The following RNLS variants were observed in gnomAD, a reference collection of about 807,000 sequenced individuals.
RNLS encodes the protein renalase, FAD dependent amine oxidase.
Under a neutral mutation model 39.8 loss-of-function variants are expected in RNLS, and 39 were observed. The ratio of observed to expected loss-of-function variants is 0.98; its 90% CI spans 0.76 to 1.28. The LOEUF (loss-of-function observed/expected upper bound fraction) is 1.28, where lower values mean the gene tolerates loss of function less well. RNLS is among the 50% of genes most tolerant of loss of function. The pLI, the probability that RNLS is intolerant of heterozygous loss-of-function variation, is 0.00. For missense variants in RNLS, 410 were observed against 413.3 expected (o/e 0.99, Z 0.07); for synonymous variants, 147 against 150.7 (o/e 0.98, Z 0.18).
At position 88,369,852 on chromosome 10, in the gene RNLS, G is replaced by A. The variant is rs539328241; in HGVS notation, c.527-7127C>T. On this transcript the variant is annotated intron_variant, in intron 4 of 6. Transcript: ENST00000331772. ...ATGCCACACACCTGGCTAATTTTGC[G>A]GGTGTGTATTTTTAGCAGAGACAGG... Among the ~76,000 whole-genome samples, 155 of 152,102 alleles carry A rather than the reference G, an allele frequency of 1.0e-3. 1 individual carries two copies. Among genetic ancestry groups the A allele is most frequent in the Middle Eastern group, 3.4e-3 (1 of 294 alleles).
chr10:88,247,367 G>A, the RNLS span, among the ~76,000 whole-genome samples: 1 of 152,168 alleles, frequency 6.6e-6, no homozygotes, highest in Non-Finnish European at 1.5e-5. Flanking sequence ...GGGGAAGTGA[G>A]GGTTGAGCAG....
the RNLS span, among the ~76,000 whole-genome samples, chr10:88,217,174 C>T: frequency 6.6e-6 from 1 of 152,142 alleles, no homozygotes; most frequent in Non-Finnish European, 1.5e-5. Flanking sequence ...TGCTGGGCGG[C>T]ACTCTCAAGA....
At chr10:88,565,508 TA>T (rs1156279969) in intron 4 of RNLS, among the ~76,000 whole-genome samples, 4 of 152,178 alleles carry the variant, frequency 2.6e-5, no homozygotes, top group African/African-American at 9.7e-5. Flanking sequence ...AATTATTTCA[TA>T]ACAATGAATT....
rs1850563516 is a variant in RNLS, at chr10:88,581,606, C to T, written c.328G>A (p.Gly110Arg). Residue 110 changes from glycine to arginine, a missense_variant, in exon 3 of 7, where the codon GGA becomes AGA. Coordinates refer to ENST00000331772, the MANE Select transcript of RNLS (RefSeq NM_001031709.3). Reference sequence around the variant, plus strand: ...TAATGCTTAATAATTGAAGAAATTCCTTGAGGTGCCACAAAGTTACAGTCT... The same window carrying T: ...TAATGCTTAATAATTGAAGAAATTCTTTGAGGTGCCACAAAGTTACAGTCT... ...EGDCNFVAPQ[G>R]ISSIIKHYLK... 2 of 1,607,112 alleles carry T rather than the reference C, an allele frequency of 1.2e-6. No individual in the cohort carries two copies. Among genetic ancestry groups the T allele is most frequent in the African/African-American group, 1.3e-5 (1 of 74,598 alleles).
chr10:88,309,501 G>C (rs1845194054), intron 6 of RNLS: 1 of 1,257,330 alleles, frequency 8.0e-7, no homozygotes, highest in Non-Finnish European at 1.0e-6. Flanking sequence ...CTGCCCTTCA[G>C]CCATTGCACA....
intron 3 of RNLS, among the ~76,000 whole-genome samples, chr10:88,577,278 T>C (rs60062083): frequency 1.3e-5 from 2 of 152,288 alleles, no homozygotes; most frequent in African/African-American, 4.8e-5. Context: ...ATCTTCATAC[T>C]ATAGGAAAAT....
intron 5 of RNLS, among the ~76,000 whole-genome samples, chr10:88,348,370 G>T (rs1199681285): frequency 6.6e-6 from 1 of 152,096 alleles, no homozygotes; most frequent in East Asian, 1.9e-4. Flanking sequence ...CTTAGATTCT[G>T]AACCAATTCT....
At chr10:88,315,147 A>C (rs1487957186) in intron 5 of RNLS, among the ~76,000 whole-genome samples, 2 of 152,248 alleles carry the variant, frequency 1.3e-5, no homozygotes, top group Non-Finnish European at 2.9e-5. Context: ...CTCCTCTCTG[A>C]AAACAGGCTT....
the RNLS span, among the ~76,000 whole-genome samples, chr10:88,172,842 G>GTTTGTTT: frequency 1.8e-4 from 8 of 43,776 alleles, no homozygotes; most frequent in Admixed American, 7.1e-4. Context: ...ATTTTGAGTT[G>GTTTGTTT]TTTTTTTTTT....
chr10:88,228,179 AACAAAACT>A, the RNLS span, among the ~76,000 whole-genome samples: 7 of 152,286 alleles, frequency 4.6e-5, no homozygotes, highest in South Asian at 1.5e-3. Context: ...CAAAAACAAA[AACAAAACT>A]CTTTTCCTCA....
downstream of RNLS, among the ~76,000 whole-genome samples, chr10:88,272,741 T>C (rs563795686): frequency 6.6e-6 from 1 of 152,168 alleles, no homozygotes; most frequent in African/African-American, 2.4e-5. Flanking sequence ...ATCTATACTG[T>C]TGTCTTCGTT....
intron 4 of RNLS, among the ~76,000 whole-genome samples, chr10:88,424,131 C>CT (rs1288487401): frequency 1.3e-5 from 2 of 152,202 alleles, no homozygotes; most frequent in African/African-American, 4.8e-5. Context: ...TGTTAACTCT[C>CT]TGAATCCCTC....
intron 3 of RNLS, among the ~76,000 whole-genome samples, chr10:88,578,321 C>T (rs1474995832): frequency 6.6e-6 from 1 of 151,904 alleles, no homozygotes; most frequent in African/African-American, 2.4e-5. Flanking sequence ...ATTACATGAA[C>T]AGAAAGGGAT....
chr10:88,579,934 CA>C (rs1464950888), intron 3 of RNLS, among the ~76,000 whole-genome samples: 2 of 152,312 alleles, frequency 1.3e-5, no homozygotes, highest in African/African-American at 4.8e-5. Context: ...TGAAGGCCTA[CA>C]TAGGACAAAC....
At chr10:88,286,959 TA>T (rs916436734) in intron 6 of RNLS, among the ~76,000 whole-genome samples, 2 of 150,956 alleles carry the variant, frequency 1.3e-5, no homozygotes, top group East Asian at 1.9e-4. Flanking sequence ...CCTGACTAAT[TA>T]AAAAAAAATT....
At chr10:88,545,717 C>CTAT (rs1439734406) in intron 4 of RNLS, among the ~76,000 whole-genome samples, 2 of 152,034 alleles carry the variant, frequency 1.3e-5, no homozygotes, top group Admixed American at 1.3e-4. Flanking sequence ...CATTATACTG[C>CTAT]TATTATGTTA....
intron 6 of RNLS, among the ~76,000 whole-genome samples, chr10:88,293,156 T>C (rs193120029): frequency 5.9e-5 from 9 of 152,346 alleles, no homozygotes; most frequent in African/African-American, 1.9e-4. Context: ...TGTTTACTGG[T>C]TGCACACTAA....
the RNLS span, among the ~76,000 whole-genome samples, chr10:88,207,551 C>T: frequency 6.6e-6 from 1 of 152,090 alleles, no homozygotes; most frequent in Non-Finnish European, 1.5e-5. Context: ...GCATGTAGAG[C>T]AAATGGGACT....
At chr10:88,329,960 C>G (rs1340027658) in intron 5 of RNLS, among the ~76,000 whole-genome samples, 1 of 151,104 alleles carries the variant, frequency 6.6e-6, no homozygotes, top group African/African-American at 2.4e-5. Context: ...TATTGTGTGT[C>G]TGGTTATTCC....
Sources: gnomAD v4.1 joint callset for allele counts (sites outside exome capture counted in the v4.1 genomes callset) on GRCh38, gnomAD v4.1.1 for gene constraint, MANE v1.5 for transcripts, NCBI Gene and HGNC (gene_info 2026-07-23, HGNC 2026-07-21) for gene names.